Variants in DNM2 observed in about 807,000 individuals in gnomAD.
DNM2 encodes dynamin 2, also known as dynamin-2.
DNM2 carries 15 observed loss-of-function variants against 99.0 expected under a neutral mutation model. That is an observed-to-expected ratio of 0.15 (90% CI 0.10 to 0.23). The LOEUF (loss-of-function observed/expected upper bound fraction) is 0.23. Among genes scored for constraint, DNM2 ranks in the 10% least tolerant of loss-of-function variants. The pLI is 1.00. For synonymous variants in DNM2, 525 were observed against 481.2 expected (o/e 1.09, Z -1.19); for missense variants, 742 against 1,189.4 (o/e 0.62, Z 5.53).
chr19:10,723,624 A>G (rs912900717), intron 1 of DNM2, among the ~76,000 whole-genome samples: 6 of 152,184 alleles, frequency 3.9e-5, no homozygotes, highest in Non-Finnish European at 8.8e-5. Context: ...TTGAATAGGG[A>G]TTAAGTGAGA....
chr19:10,798,445 C>A, intron 10 of DNM2, 41 bp from the exon 11 acceptor site: 1 of 1,603,606 alleles, frequency 6.2e-7, no homozygotes, highest in Non-Finnish European at 8.5e-7. Context: ...TCCCGTGCCA[C>A]GAGGACCCCG....
At chr19:10,739,302 A>G (rs1211294116) in intron 1 of DNM2, among the ~76,000 whole-genome samples, 1 of 152,200 alleles carries the variant, frequency 6.6e-6, no homozygotes, top group East Asian at 1.9e-4. Context: ...ATAATACCTA[A>G]TCCTTTTGAA....
At chr19:10,768,161 C>G (rs2070859183) in intron 2 of DNM2, among the ~76,000 whole-genome samples, 1 of 151,836 alleles carries the variant, frequency 6.6e-6, no homozygotes, top group Non-Finnish European at 1.5e-5. Context: ...TCACAAAGAA[C>G]AGCCCCTGCT....
chr19:10,794,350 T>TGTGTGTGTGG, intron 8 of DNM2, among the ~76,000 whole-genome samples: 1 of 135,350 alleles, frequency 7.4e-6, no homozygotes, highest in Non-Finnish European at 1.6e-5. Context: ...TTTCCGTGTG[T>TGTGTGTGTGG]GTGTGTGTGT....
At chr19:10,730,808 C>T (rs2069286651) in intron 1 of DNM2, among the ~76,000 whole-genome samples, 1 of 152,192 alleles carries the variant, frequency 6.6e-6, no homozygotes, top group African/African-American at 2.4e-5. Flanking sequence ...CGGGGTGCCC[C>T]CTCTGACTTT....
At chr19:10,799,527 G>GT (rs1241230585) in intron 11 of DNM2, among the ~76,000 whole-genome samples, 31 of 143,512 alleles carry the variant, frequency 2.2e-4, no homozygotes, top group African/African-American at 6.3e-4. Flanking sequence ...TTGTGTTGTG[G>GT]TTTTTTGTTT....
intron 7 of DNM2, among the ~76,000 whole-genome samples, chr19:10,792,200 G>C (rs1333971680): frequency 6.6e-6 from 1 of 152,238 alleles, no homozygotes; most frequent in East Asian, 1.9e-4. Context: ...CTTCATGTGA[G>C]GAAAGAGATT....
At position 10,772,377 on chromosome 19, in the gene DNM2, C is replaced by A; in HGVS notation, c.236-102C>A. The A allele has an allele frequency of 6.6e-7, 1 of 1,521,932 alleles. No individual in the cohort carries two copies. The highest frequency in any genetic ancestry group is 9.0e-7 in the Non-Finnish European group (1 of 1,110,326). The allele number at this position is 1,521,932 out of a possible 1,614,324, so 94.3% of individuals were successfully genotyped here. The stretch of plus-strand genomic sequence containing the variant: ...TACAGGCGTGAGCTACTGTGCCCAG[C>A]CTGGGTCATTACTTTCATTCAACAA... On this transcript the variant is annotated intron_variant, in intron 2 of 20. Transcript: ENST00000389253. The surrounding 1 kb of genome is among the most constrained non-coding windows in gnomAD (Gnocchi z 4.9).
In DNM2 at chr19:10,812,010, C is replaced by T. The variant is rs553577904; in HGVS notation, c.1558-254C>T. 10 of 500,088 alleles carry T rather than the reference C, an allele frequency of 2.0e-5. No homozygotes were observed. The highest frequency in any genetic ancestry group is 1.9e-4 in the African/African-American group (10 of 51,716). The allele number at this position is 500,088 out of a possible 1,614,324, so 31.0% of individuals were successfully genotyped here. Reference sequence around the variant, plus strand: ...CCATGGGCCCCTTTCCATCAGGCCTCTGTGAGTCTATACCCCATCAGCCCC... The same window carrying T: ...CCATGGGCCCCTTTCCATCAGGCCTTTGTGAGTCTATACCCCATCAGCCCC... On this transcript the variant is annotated intron_variant, in intron 14 of 20. Coordinates refer to ENST00000389253, the MANE Select transcript of DNM2 (RefSeq NM_001005361.3). The surrounding 1 kb of genome is among the most constrained non-coding windows in gnomAD (Gnocchi z 4.0).
intron 1 of DNM2, among the ~76,000 whole-genome samples, chr19:10,719,507 TG>T (rs2068867009): frequency 6.6e-6 from 1 of 152,062 alleles, no homozygotes; most frequent in Non-Finnish European, 1.5e-5. Context: ...ATCTGTCCAG[TG>T]GGCAAACTCC....
Position 10,811,773 on chromosome 19 carries a change from G to A in DNM2, c.1558-491G>A. On this transcript the variant is annotated intron_variant, in intron 14 of 20. Coordinates refer to ENST00000389253, the MANE Select transcript of DNM2 (RefSeq NM_001005361.3). This position sits in a 1 kb window ranked among gnomAD's most constrained non-coding sequence, Gnocchi z 5.4. ...CCCAGCCTGAAACCCTGATGTGTCA[G>A]TCAAAAGGATGACCACCAGGCTTGC... 1.9e-6 allele frequency: 1 copy of A among 518,638 alleles called. No individual in the cohort carries two copies. The highest frequency in any genetic ancestry group is 3.8e-6 in the Non-Finnish European group (1 of 259,800). 32.1% of individuals were successfully genotyped at this position (518,638 alleles called of 1,614,324 possible).
Position 10,764,850 on chromosome 19 carries a change from G to A in DNM2, c.235+5039G>A, listed in dbSNP as rs558271758. On this transcript the variant is annotated intron_variant, in intron 2 of 20. Transcript: ENST00000389253. The surrounding 1 kb of genome is among the most constrained non-coding windows in gnomAD (Gnocchi z 4.1). ...GCTCACTGTGCTGCCTGCCTGGAAC[G>A]CCCTGTTCCCTACCTGCCACTGTCT... 1.8e-4 allele frequency among the ~76,000 whole-genome samples: 27 copies of A among 152,238 alleles called. 1 individual carries two copies. Among genetic ancestry groups the A allele is most frequent in the Admixed American group, 5.2e-4 (8 of 15,280 alleles).
Position 10,795,004 on chromosome 19 carries a change from C to T in DNM2, c.1129-368C>T, listed in dbSNP as rs1035184731. Among the ~76,000 whole-genome samples, 5 of 152,056 alleles carry T rather than the reference C, an allele frequency of 3.3e-5. No homozygotes were observed. The highest frequency in any genetic ancestry group is 1.2e-4 in the African/African-American group (5 of 41,408). On this transcript the variant is annotated intron_variant, in intron 8 of 20. Coordinates refer to ENST00000389253, the MANE Select transcript of DNM2 (RefSeq NM_001005361.3). This position sits in a 1 kb window ranked among gnomAD's most constrained non-coding sequence, Gnocchi z 4.2. ...GTGCAATCACAGCTCACTGCAGCTTCGACCTTCCTGGGCTCGGATGATCCT... is the reference window on the plus strand; with the variant it reads ...GTGCAATCACAGCTCACTGCAGCTTTGACCTTCCTGGGCTCGGATGATCCT...
rs2071577669 is a variant in DNM2, at chr19:10,786,864, G to A, written c.992+158G>A. On this transcript the variant is annotated intron_variant, in intron 7 of 20. Coordinates refer to ENST00000389253, the MANE Select transcript of DNM2 (RefSeq NM_001005361.3). ...GCGTGCCAGGCTCCATCCTAAGCAT[G>A]GCATTCGCCCCAGTGGAGGGGACAG... is the stretch of plus-strand genomic sequence containing the variant. The A allele has an allele frequency of 2.3e-5, 34 of 1,451,204 alleles. No homozygotes were observed. The South Asian group carries it at 4.3e-4, about 18-fold the overall frequency. The allele number at this position is 1,451,204 out of a possible 1,614,324, so 89.9% of individuals were successfully genotyped here. A position where few individuals can be genotyped will look rare whatever the true frequency, so the allele number is the denominator to read the frequency against.
intron 5 of DNM2, among the ~76,000 whole-genome samples, chr19:10,777,628 C>CT (rs1176663039): frequency 6.6e-6 from 1 of 152,010 alleles, no homozygotes; most frequent in Non-Finnish European, 1.5e-5. Flanking sequence ...AGTTTTTGCT[C>CT]TTGTCACCCA....
chr19:10,736,684 G>C (rs369204011), intron 1 of DNM2, among the ~76,000 whole-genome samples: 1 of 152,088 alleles, frequency 6.6e-6, no homozygotes, highest in Non-Finnish European at 1.5e-5. Flanking sequence ...GATTACAGGC[G>C]TGAACCACTG....
chr19:10,831,284 G>C lies in DNM2; in HGVS notation c.*237G>C. 1 of 1,294,932 alleles carries C rather than the reference G, an allele frequency of 7.7e-7. No individual in the cohort carries two copies. Among genetic ancestry groups the C allele is most frequent in the South Asian group, 2.3e-5 (1 of 43,376 alleles). 80.2% of individuals were successfully genotyped at this position (1,294,932 alleles called of 1,614,324 possible). A position where few individuals can be genotyped will look rare whatever the true frequency, so the allele number is the denominator to read the frequency against. On this transcript the variant is annotated 3_prime_UTR_variant, in exon 21 of 21. Coordinates refer to ENST00000389253, the MANE Select transcript of DNM2 (RefSeq NM_001005361.3). The surrounding 1 kb of genome is among the most constrained non-coding windows in gnomAD (Gnocchi z 4.3). ...GGCGCTGGGGTGTTGCACTTTGGGGGATGGAGTCTCAGGGTGGCAGAGGGG... is the reference window on the plus strand; with the variant it reads ...GGCGCTGGGGTGTTGCACTTTGGGGCATGGAGTCTCAGGGTGGCAGAGGGG...
At chr19:10,720,722 C>T (rs2068910694) in intron 1 of DNM2, among the ~76,000 whole-genome samples, 1 of 152,010 alleles carries the variant, frequency 6.6e-6, no homozygotes, top group Admixed American at 6.6e-5. Flanking sequence ...AGAACCAGAT[C>T]CGGTTTCAAA....
At chr19:10,814,088 G>C (rs1193743857) in intron 15 of DNM2, among the ~76,000 whole-genome samples, 1 of 151,958 alleles carries the variant, frequency 6.6e-6, no homozygotes, top group Admixed American at 6.6e-5. Flanking sequence ...CCGGAACCTG[G>C]GAGGTGGAGG....
Sources: gnomAD v4.1 joint callset for allele counts (sites outside exome capture counted in the v4.1 genomes callset) on GRCh38, gnomAD v4.1.1 for gene constraint, Gnocchi (gnomAD v3.1) non-coding constraint, MANE v1.5 for transcripts, NCBI Gene and HGNC (gene_info 2026-07-23, HGNC 2026-07-21) for gene names.